ZNF185: variants seen among roughly 807,000 people sequenced by gnomAD.
The protein encoded by ZNF185 is zinc finger protein 185 with LIM domain.
A neutral mutation model predicts 58.6 loss-of-function variants in ZNF185; 56 were observed. That is an observed-to-expected ratio of 0.95 (90% confidence interval 0.77 to 1.19). The LOEUF (loss-of-function observed/expected upper bound fraction) is 1.19, where lower values mean the gene tolerates loss of function less well. Ranked by LOEUF, ZNF185 falls within the 50% of genes most tolerant of loss-of-function variation. ZNF185 has a pLI of 0.00. For synonymous variants in ZNF185, 230 were observed against 215.9 expected, an observed-to-expected ratio of 1.07 and a Z score of -0.57; for missense variants, 627 against 573.5, an observed-to-expected ratio of 1.09 and a Z score of -0.95.
exon 15 of ZNF185, chrX:152,938,096 G>T: frequency 8.5e-7 from 1 of 1,180,685 alleles, no homozygotes; most frequent in Non-Finnish European, 1.1e-6. Context: ...TTCAGTCTCT[G>T]CTGTCCCTGC....
the ZNF185 span, among the ~76,000 whole-genome samples, chrX:152,905,297 G>A: frequency 8.9e-6 from 1 of 112,377 alleles, no homozygotes; most frequent in Non-Finnish European, 1.9e-5. Flanking sequence ...AGCTCTCTAA[G>A]GAAGGAGAAT....
intron 15 of ZNF185, among the ~76,000 whole-genome samples, chrX:152,939,545 T>A (rs782640305): frequency 8.9e-5 from 10 of 111,909 alleles, no homozygotes; most frequent in Non-Finnish European, 1.3e-4. Context: ...AGACCCAGAA[T>A]CAGTAACTTA....
intron 3 of ZNF185, 116 bp from the exon 5 acceptor site, chrX:152,917,015 C>T: frequency 2.9e-6 from 3 of 1,027,276 alleles, no homozygotes; most frequent in Non-Finnish European, 4.1e-6. Context: ...TGTACTGGGA[C>T]ACCTGGAGCA....
At chrX:152,967,854 T>C (rs1172582436) in intron 20 of ZNF185, among the ~76,000 whole-genome samples, 1 of 112,194 alleles carries the variant, frequency 8.9e-6, no homozygotes, top group Admixed American at 9.4e-5. Context: ...TTGAGTTCAC[T>C]CAGGCTTCTG....
intron 11 of ZNF185, among the ~76,000 whole-genome samples, chrX:152,925,404 T>C (rs1940671255): frequency 8.9e-6 from 1 of 112,527 alleles, no homozygotes; most frequent in African/African-American, 3.2e-5. Context: ...CAAAATTCCT[T>C]TCGATGTTTA....
exon 23 of ZNF185, chrX:152,972,395 A>G (rs1556920205): frequency 9.0e-6 from 1 of 110,940 alleles, no homozygotes; most frequent in Non-Finnish European, 1.9e-5. Flanking sequence ...AGGCTTGCAA[A>G]GAGCAGAAGG....
At chrX:152,936,162 A>G (rs996041368) in intron 14 of ZNF185, among the ~76,000 whole-genome samples, 15 of 112,903 alleles carry the variant, frequency 1.3e-4, no homozygotes, top group African/African-American at 4.5e-4. Flanking sequence ...CCAGAAAAAA[A>G]GGTCAGGTAA....
At chrX:152,917,134 T>A (rs782728478) in exon 4 of ZNF185, 1 of 1,211,421 alleles carries the variant, frequency 8.3e-7, no homozygotes, top group South Asian at 1.8e-5. Context: ...TCGGCAGGCC[T>A]CCGAGCACAA....
At chrX:152,919,965 C>G (rs781972284) in intron 7 of ZNF185, among the ~76,000 whole-genome samples, 3 of 113,238 alleles carry the variant, frequency 2.6e-5, no homozygotes, top group African/African-American at 9.6e-5. Context: ...GCTCTGCCAC[C>G]TGCTAGGTGA....
exon 19 of ZNF185, chrX:152,965,520 T>C: frequency 8.5e-7 from 1 of 1,182,598 alleles, no homozygotes; most frequent in African/African-American, 1.7e-5. Context: ...ATCTGCACGC[T>C]ATAGCAAGTA....
chrX:152,922,819 G>A lies in ZNF185; in HGVS notation c.830+10G>A, dbSNP rs782323071. On this transcript the variant is annotated intron_variant, in intron 11 of 22. Transcript: ENST00000449285. The stretch of plus-strand genomic sequence containing the variant: ...GGAGCCAGGAGCTCAGGTGGGTGCC[G>A]AGAGCTGACTCTGGCTTGTGAGTGG... 3.8e-5 allele frequency: 45 copies of A among 1,178,929 alleles called. No individual in the cohort carries two copies. The Admixed American group carries it at 9.3e-4, about 24-fold the overall frequency.
At chrX:152,929,524 C>G (rs1556875612) in intron 12 of ZNF185, among the ~76,000 whole-genome samples, 2 of 111,376 alleles carry the variant, frequency 1.8e-5, no homozygotes, top group Non-Finnish European at 3.8e-5. Flanking sequence ...GAATTGACAT[C>G]CAAGATGAGT....
intron 15 of ZNF185, among the ~76,000 whole-genome samples, chrX:152,942,015 G>A (rs998041334): frequency 2.7e-5 from 3 of 112,304 alleles, no homozygotes; most frequent in Non-Finnish European, 3.8e-5. Context: ...TGCCCAGGGG[G>A]AGGGGGTGTG....
the ZNF185 span, among the ~76,000 whole-genome samples, chrX:152,899,824 G>A: frequency 8.9e-6 from 1 of 111,778 alleles, no homozygotes; most frequent in Non-Finnish European, 1.9e-5. Context: ...ACCAGGTCAA[G>A]GCCCGCACGT....
At chrX:152,940,474 T>C (rs1377653400) in intron 15 of ZNF185, among the ~76,000 whole-genome samples, 1 of 109,768 alleles carries the variant, frequency 9.1e-6, no homozygotes, top group African/African-American at 3.3e-5. Context: ...TCAGAGATTT[T>C]CTGATTGGCA....
intron 19 of ZNF185, among the ~76,000 whole-genome samples, chrX:152,966,752 C>T (rs183697877): frequency 3.6e-5 from 4 of 111,793 alleles, no homozygotes; most frequent in Non-Finnish European, 7.5e-5. Flanking sequence ...AAAAGAAACT[C>T]CAAACCCGTC....
At chrX:152,940,038 C>A (rs1277478942) in intron 15 of ZNF185, among the ~76,000 whole-genome samples, 1 of 111,398 alleles carries the variant, frequency 9.0e-6, no homozygotes, top group Non-Finnish European at 1.9e-5. Flanking sequence ...CCATCTTGGC[C>A]TCCCAAATTG....
intron 3 of ZNF185, 74 bp from the exon 5 acceptor site, chrX:152,917,057 G>A (rs1938628723): frequency 8.5e-7 from 1 of 1,182,999 alleles, no homozygotes; most frequent in Admixed American, 2.2e-5. Context: ...CTATCGTTAA[G>A]GGCAGGATAA....
exon 23 of ZNF185, chrX:152,971,799 T>A (rs1261219900): frequency 8.9e-6 from 1 of 112,589 alleles, no homozygotes; most frequent in Non-Finnish European, 1.9e-5. Flanking sequence ...AGTTAGTTGC[T>A]TTTGATTGAG....
Sources: gnomAD v4.1 joint callset for allele counts (sites outside exome capture counted in the v4.1 genomes callset) on GRCh38, gnomAD v4.1.1 for gene constraint, MANE v1.5 for transcripts, NCBI Gene and HGNC (gene_info 2026-07-23, HGNC 2026-07-21) for gene names.